Variants in CHPT1 observed in about 807,000 individuals in gnomAD.
CHPT1 encodes the protein choline phosphotransferase 1, also known as cholinephosphotransferase 1.
In CHPT1, 36 loss-of-function variants were observed where a neutral mutation model predicts 47.6. The observed-to-expected ratio is 0.76, with a 90% CI of 0.58 to 1.00. The LOEUF is 1.00. Ranked by LOEUF, CHPT1 falls within the 50% of genes least tolerant of loss-of-function variation. CHPT1 has a pLI of 0.00. For synonymous variants in CHPT1, 194 were observed against 186.3 expected (o/e 1.04, Z -0.33); for missense variants, 458 against 498.1 (o/e 0.92, Z 0.77).
intron 5 of CHPT1, 131 bp from the exon 6 acceptor site, chr12:101,723,037 A>G: frequency 1.3e-6 from 1 of 741,854 alleles, no homozygotes; most frequent in Middle Eastern, 3.4e-4. Flanking sequence ...AGGTTTGTAT[A>G]CTCCTGTAGG....
chr12:101,729,000 A>C lies in CHPT1; in HGVS notation c.*55A>C. Reference sequence around the variant, plus strand: ...CTGCTGCTGTTTCATGGAAGGAGATATTAAACATTTGTTTAATTTTTATTT... The same window carrying C: ...CTGCTGCTGTTTCATGGAAGGAGATCTTAAACATTTGTTTAATTTTTATTT... On this transcript the variant is annotated 3_prime_UTR_variant, in exon 9 of 9. Transcript: ENST00000229266. 6.2e-7 allele frequency: 1 copy of C among 1,613,506 alleles called. No individual in the cohort carries two copies. Among genetic ancestry groups the C allele is most frequent in the Non-Finnish European group, 8.5e-7 (1 of 1,179,664 alleles).
In CHPT1 at chr12:101,723,178, T is replaced by C. The variant is rs773716416; in HGVS notation, c.791T>C (p.Val264Ala). 3 of 1,612,334 alleles carry C rather than the reference T, an allele frequency of 1.9e-6. No individual in the cohort carries two copies. Among genetic ancestry groups the C allele is most frequent in the South Asian group, 2.2e-5 (2 of 90,806 alleles). ...KNGSTIAGTS[V>A]LSPGLHIGLI... Reference sequence around the variant, plus strand: ...TGCTTTATCCCTTAGGGCACCAGTGTCTTGTCACCTGGACTCCACATAGGA... The same window carrying C: ...TGCTTTATCCCTTAGGGCACCAGTGCCTTGTCACCTGGACTCCACATAGGA... Residue 264 changes from valine to alanine, a missense_variant, in exon 6 of 9, where the codon GTC (valine) becomes GCC (alanine). Physicochemically the swap from Val to Ala is moderately conservative, Grantham distance 64. Coordinates refer to ENST00000229266, the MANE Select transcript of CHPT1 (RefSeq NM_020244.3).
intron 1 of CHPT1, among the ~76,000 whole-genome samples, chr12:101,701,687 A>G (rs1341979661): frequency 1.3e-5 from 2 of 152,206 alleles, no homozygotes; most frequent in Non-Finnish European, 2.9e-5. Flanking sequence ...TTTTAAGTTC[A>G]GACAGCAATT....
At chr12:101,720,593 A>G (rs1250476173) in intron 5 of CHPT1, among the ~76,000 whole-genome samples, 1 of 152,190 alleles carries the variant, frequency 6.6e-6, no homozygotes, top group African/African-American at 2.4e-5. Context: ...TGAAAGCAGG[A>G]AAGTGGCCAG....
intron 8 of CHPT1, chr12:101,728,338 G>A (rs1301049908): frequency 6.6e-6 from 1 of 152,246 alleles, no homozygotes; most frequent in Non-Finnish European, 1.5e-5. Flanking sequence ...TGCAGACCAA[G>A]CCCAATGAAG....
chr12:101,728,244 C>T (rs574767432), intron 8 of CHPT1: 1 of 152,150 alleles, frequency 6.6e-6, no homozygotes, highest in Non-Finnish European at 1.5e-5. Context: ...AGTGAGACTC[C>T]ATCTCAAAAA....
chr12:101,720,037 A>T, intron 4 of CHPT1, 86 bp from the exon 5 acceptor site: 1 of 849,630 alleles, frequency 1.2e-6, no homozygotes. Flanking sequence ...AGCTTATTGT[A>T]CAGGGCTTAT....
chr12:101,705,954 G>C (rs967971723), intron 1 of CHPT1, among the ~76,000 whole-genome samples: 1 of 151,848 alleles, frequency 6.6e-6, no homozygotes, highest in Non-Finnish European at 1.5e-5. Flanking sequence ...TTGAACTCCT[G>C]GCCTCAAGTG....
chr12:101,724,598 C>A (rs73163731), intron 7 of CHPT1, among the ~76,000 whole-genome samples: 1 of 152,150 alleles, frequency 6.6e-6, no homozygotes, highest in South Asian at 2.1e-4. Context: ...CTACTAAATA[C>A]AGGATTCTCA....
chr12:101,719,575 A>T (rs1311256871), intron 4 of CHPT1: 45 of 1,174,120 alleles, frequency 3.8e-5, no homozygotes, highest in African/African-American at 4.8e-5. Flanking sequence ...TTTTGCTTGC[A>T]TACACATCAT....
intron 1 of CHPT1, among the ~76,000 whole-genome samples, chr12:101,700,978 T>G (rs1348152450): frequency 6.6e-6 from 1 of 152,226 alleles, no homozygotes; most frequent in Non-Finnish European, 1.5e-5. Flanking sequence ...GTTTTTCGAT[T>G]TAGATGCTTG....
intron 1 of CHPT1, among the ~76,000 whole-genome samples, chr12:101,701,908 A>G (rs865976569): frequency 1.3e-5 from 2 of 152,196 alleles, no homozygotes; most frequent in South Asian, 2.1e-4. Context: ...TTAAATACCT[A>G]GCAATTGTTT....
At chr12:101,714,670 A>G (rs1162767778) in intron 3 of CHPT1, 25 bp downstream of exon 3, 3 of 1,580,322 alleles carry the variant, frequency 1.9e-6, no homozygotes, top group East Asian at 2.3e-5. Flanking sequence ...TAAGTTGTAC[A>G]TTAAAAAATA....
In CHPT1 at chr12:101,728,911, T is replaced by G; in HGVS notation, c.1187T>G (p.Leu396Arg). 1 of 1,613,474 alleles carries G rather than the reference T, an allele frequency of 6.2e-7. No individual in the cohort carries two copies. Among genetic ancestry groups the G allele is most frequent in the Non-Finnish European group, 8.5e-7 (1 of 1,179,646 alleles). ...CHQAPEQVQV[L>R]SSKSHQNNMD ...TATCATATTACTTAGGTTCAAGTTC[T>G]TTCTTCAAAGAGTCATCAGAATAAC... Residue 396 changes from leucine to arginine, a missense_variant, in exon 9 of 9, where the codon CTT (leucine) becomes CGT (arginine). Transcript: ENST00000229266.
At chr12:101,722,905 A>G (rs1951876206) in intron 5 of CHPT1, among the ~76,000 whole-genome samples, 1 of 152,116 alleles carries the variant, frequency 6.6e-6, no homozygotes, top group Admixed American at 6.6e-5. Context: ...TATAGAATAA[A>G]CTGCATTAAT....
rs1368875028 is a variant in CHPT1, at chr12:101,723,789, T to C, written c.1007T>C (p.Phe336Ser). The C allele has an allele frequency of 1.3e-5, 20 of 1,573,516 alleles. No homozygotes were observed. The highest frequency in any genetic ancestry group is 1.7e-5 in the Non-Finnish European group (19 of 1,146,580). Reference sequence around the variant, plus strand: ...GTCTTTTTGGGGCCAGGTCTTTTGTTTTTAGACCAGTACTTTAATAACTTT... The same window carrying C: ...GTCTTTTTGGGGCCAGGTCTTTTGTCTTTAGACCAGTACTTTAATAACTTT... ...DTVFLGPGLL[F>S]LDQYFNNFID... The change falls in exon 7 of 9, where the codon TTT (phenylalanine) becomes TCT (serine). Residue 336 changes from phenylalanine (F) to serine (S), a missense_variant. Phe to Ser is a radical substitution (Grantham distance 155). Transcript: ENST00000229266.
At chr12:101,726,237 C>A in intron 7 of CHPT1, 57 bp from the exon 8 acceptor site, 2 of 1,143,500 alleles carry the variant, frequency 1.7e-6, no homozygotes, top group Middle Eastern at 2.8e-4. Context: ...CAGAATAGTG[C>A]TACTTGAGAA....
At chr12:101,706,006 C>G (rs1217930664) in intron 1 of CHPT1, among the ~76,000 whole-genome samples, 1 of 151,916 alleles carries the variant, frequency 6.6e-6, no homozygotes, top group Non-Finnish European at 1.5e-5. Flanking sequence ...GCTACCACAC[C>G]CAGCCTGATT....
intron 1 of CHPT1, among the ~76,000 whole-genome samples, chr12:101,713,837 C>G (rs1025750628): frequency 6.6e-6 from 1 of 152,118 alleles, no homozygotes; most frequent in Non-Finnish European, 1.5e-5. Context: ...ATGTAAGAAT[C>G]AAGATCAGGA....
Sources: gnomAD v4.1 joint callset for allele counts (sites outside exome capture counted in the v4.1 genomes callset) on GRCh38, gnomAD v4.1.1 for gene constraint, MANE v1.5 for transcripts, NCBI Gene and HGNC (gene_info 2026-07-23, HGNC 2026-07-21) for gene names.